Variants in SHANK2 observed in about 807,000 individuals in gnomAD.
SHANK2 encodes the protein SH3 and multiple ankyrin repeat domains protein 2.
In SHANK2, 43 loss-of-function variants were observed where a neutral mutation model predicts 133.7. The observed-to-expected ratio is 0.32, with a 90% confidence interval of 0.25 to 0.41. The LOEUF (loss-of-function observed/expected upper bound fraction) is 0.41, where lower values mean the gene tolerates loss of function less well. Among genes scored for constraint, SHANK2 ranks in the 10% least tolerant of loss-of-function variants. SHANK2 has a pLI of 1.00. For synonymous variants in SHANK2, 1,017 were observed against 952.8 expected, an observed-to-expected ratio of 1.07 and a Z score of -1.24; for missense variants, 1,994 against 2,235.8, an observed-to-expected ratio of 0.89 and a Z score of 2.18.
chr11:70,863,456 G>C (rs1555068300), intron 11 of SHANK2: 1 of 457,838 alleles, frequency 2.2e-6, no homozygotes, highest in Non-Finnish European at 4.4e-6. Flanking sequence ...CCTGGCCACG[G>C]CTATGTGGTG....
At chr11:71,244,274 C>T (rs1954931783) in intron 1 of SHANK2, among the ~76,000 whole-genome samples, 1 of 152,260 alleles carries the variant, frequency 6.6e-6, no homozygotes, top group Admixed American at 6.5e-5. Flanking sequence ...GGGCCTGCCC[C>T]TGGGGTCGGA....
intron 17 of SHANK2, among the ~76,000 whole-genome samples, chr11:70,657,000 G>A (rs536698916): frequency 1.3e-4 from 20 of 152,350 alleles, no homozygotes; most frequent in African/African-American, 4.3e-4. Flanking sequence ...CAAAGTTAAC[G>A]AGGGAAAATG....
intron 8 of SHANK2, among the ~76,000 whole-genome samples, chr11:71,089,092 T>C (rs1254482900): frequency 1.3e-5 from 2 of 152,072 alleles, no homozygotes; most frequent in Non-Finnish European, 2.9e-5. Flanking sequence ...ACCAAGCTCA[T>C]TAGCGCTTTG....
chr11:71,059,447 T>C (rs1245665241), intron 9 of SHANK2, among the ~76,000 whole-genome samples: 7 of 152,194 alleles, frequency 4.6e-5, no homozygotes, highest in African/African-American at 1.7e-4. Context: ...CCAGCGATCA[T>C]GGAGCTGTAC....
intron 14 of SHANK2, among the ~76,000 whole-genome samples, chr11:70,741,545 C>T (rs1946526979): frequency 6.6e-6 from 1 of 152,184 alleles, no homozygotes; most frequent in African/African-American, 2.4e-5. Context: ...TACCAGGTAC[C>T]TTCCCCCACT....
chr11:70,889,405 A>G (rs1555074208), intron 11 of SHANK2, among the ~76,000 whole-genome samples: 3 of 152,212 alleles, frequency 2.0e-5, no homozygotes, highest in Non-Finnish European at 4.4e-5. Context: ...AGTCAATTCC[A>G]GTTGCTTAAA....
intron 11 of SHANK2, among the ~76,000 whole-genome samples, chr11:70,859,866 C>T (rs1949229582): frequency 1.3e-5 from 2 of 152,214 alleles, no homozygotes; most frequent in Non-Finnish European, 2.9e-5. Flanking sequence ...GATGACCAGA[C>T]TCTGGAGCAC....
chr11:70,564,567 A>AT (rs1211207999), intron 17 of SHANK2, among the ~76,000 whole-genome samples: 4 of 151,428 alleles, frequency 2.6e-5, no homozygotes, highest in South Asian at 4.2e-4. Flanking sequence ...GCCTTCAAGT[A>AT]TTTTTTCTCC....
intron 12 of SHANK2, among the ~76,000 whole-genome samples, chr11:70,814,140 A>G (rs1948336972): frequency 6.6e-6 from 1 of 152,152 alleles, no homozygotes; most frequent in Non-Finnish European, 1.5e-5. Flanking sequence ...CCTGGCCAAC[A>G]TGGCGCAACC....
In SHANK2 at chr11:71,094,655, T is replaced by A. The variant is rs1555094981; in HGVS notation, c.626A>T (p.Asp209Val). Residue 209 changes from aspartate (D) to valine (V), a missense_variant, in exon 7 of 26, where the codon GAC becomes GTC. Coordinates refer to ENST00000601538, the MANE Select transcript of SHANK2 (RefSeq NM_012309.5). ...GAGAGCTTTGATGACCTCCACAGAG[T>A]CGTCCAGCTGAGCGGCTAAGGTCAG... ...TPLTLAAQLD[D>V]SVEVIKALKN... 1.9e-6 allele frequency: 3 copies of A among 1,551,566 alleles called. No homozygotes were observed.
chr11:70,490,421 C>T (rs782638013), intron 22 of SHANK2, 34 bp from the exon 23 acceptor site: 8 of 1,573,980 alleles, frequency 5.1e-6, no homozygotes, highest in Non-Finnish European at 7.0e-6. Flanking sequence ...GAGACGCAGC[C>T]CTGGCCAGCC....
At chr11:70,676,949 C>T (rs782636528) in intron 15 of SHANK2, among the ~76,000 whole-genome samples, 3 of 152,210 alleles carry the variant, frequency 2.0e-5, no homozygotes, top group Non-Finnish European at 2.9e-5. Flanking sequence ...TTTCCTTGGA[C>T]TCAACCGGTC....
intron 10 of SHANK2, among the ~76,000 whole-genome samples, chr11:70,900,065 T>G (rs1950002137): frequency 6.6e-6 from 1 of 152,170 alleles, no homozygotes; most frequent in South Asian, 2.1e-4. Context: ...CCTAAAAAAC[T>G]ATGCTATGGG....
intron 17 of SHANK2, among the ~76,000 whole-genome samples, chr11:70,547,017 A>G (rs536873262): frequency 1.0e-3 from 154 of 151,972 alleles, no homozygotes; most frequent in Non-Finnish European, 1.9e-3. Context: ...CCCACCTGGG[A>G]TGTCTGCTCA....
At chr11:70,916,825 C>A (rs1950278171) in intron 10 of SHANK2, among the ~76,000 whole-genome samples, 1 of 152,102 alleles carries the variant, frequency 6.6e-6, no homozygotes. Flanking sequence ...AGAAACTGAA[C>A]CCCAGCAGGC....
At chr11:71,224,165 G>C (rs1402314458) in intron 2 of SHANK2, among the ~76,000 whole-genome samples, 1 of 152,224 alleles carries the variant, frequency 6.6e-6, no homozygotes, top group African/African-American at 2.4e-5. Context: ...CGTCAACGTT[G>C]ATAAGATACT....
intron 8 of SHANK2, among the ~76,000 whole-genome samples, chr11:71,087,089 T>C (rs1177670091): frequency 6.6e-6 from 1 of 152,178 alleles, no homozygotes; most frequent in Non-Finnish European, 1.5e-5. Context: ...CCAGTGCAGC[T>C]GCACAGGCTC....
intron 22 of SHANK2, among the ~76,000 whole-genome samples, chr11:70,491,200 A>T (rs1204653722): frequency 6.6e-6 from 1 of 152,206 alleles, no homozygotes; most frequent in Non-Finnish European, 1.5e-5. Flanking sequence ...CGCTCAATGG[A>T]AATATTCGTG....
intron 17 of SHANK2, among the ~76,000 whole-genome samples, chr11:70,525,831 G>A (rs1554972022): frequency 6.6e-6 from 1 of 151,956 alleles, no homozygotes; most frequent in East Asian, 1.9e-4. Context: ...GGTGATGGCG[G>A]GAAAGTCCTG....
Sources: gnomAD v4.1 joint callset for allele counts (sites outside exome capture counted in the v4.1 genomes callset) on GRCh38, gnomAD v4.1.1 for gene constraint, MANE v1.5 for transcripts, NCBI Gene and HGNC (gene_info 2026-07-23, HGNC 2026-07-21) for gene names.